ARHGEF28: variants seen among roughly 807,000 people sequenced by gnomAD.
ARHGEF28 encodes the protein 190 kDa guanine nucleotide exchange factor.
Under a neutral mutation model 206.6 loss-of-function variants are expected in ARHGEF28, and 152 were observed. That is an observed-to-expected ratio of 0.74 (90% CI 0.64 to 0.84). The LOEUF (loss-of-function observed/expected upper bound fraction) is 0.84, where lower values mean the gene tolerates loss of function less well. Ranked by LOEUF, ARHGEF28 falls within the 40% of genes least tolerant of loss-of-function variation. The probability of loss-of-function intolerance (pLI) is 0.00; values close to 1 mark genes in which losing one functional copy is unlikely to be tolerated. For missense variants in ARHGEF28, 2,028 were observed against 2,073.2 expected (o/e 0.98, Z 0.42); for synonymous variants, 763 against 776.4 (o/e 0.98, Z 0.29).
rs548630561 is a variant in ARHGEF28, at chr5:73,904,001, A to G, written c.4075-221A>G. The stretch of plus-strand genomic sequence containing the variant: ...GGTGATTGGGTGAAAATTGCCATCC[A>G]TCTCAAACATCGACTTTGCGTGAAG... On this transcript the variant is annotated intron_variant, in intron 31 of 35. Coordinates refer to ENST00000513042, the MANE Select transcript of ARHGEF28 (RefSeq NM_001177693.2). 5.5e-6 allele frequency: 3 copies of G among 549,554 alleles called. No homozygotes were observed. The South Asian group carries it at 7.9e-5, about 15-fold the overall frequency. 34.0% of individuals were successfully genotyped at this position (549,554 alleles called of 1,614,324 possible).
chr5:73,768,830 T>G (rs887882631), intron 4 of ARHGEF28, among the ~76,000 whole-genome samples: 3 of 152,060 alleles, frequency 2.0e-5, no homozygotes, highest in Admixed American at 1.3e-4. Flanking sequence ...AAATCTCATC[T>G]TGAATTATAA....
chr5:73,773,942 G>T lies in ARHGEF28; in HGVS notation c.563G>T (p.Gly188Val). 1 of 1,607,772 alleles carries T rather than the reference G, an allele frequency of 6.2e-7. No homozygotes were observed. The highest frequency in any genetic ancestry group is 2.2e-5 in the East Asian group (1 of 44,760). ...CAGTTCTTCTTGTGTCTCCCGGGGG[G>T]AGTCCAGGCCTTGGCTTTACCCAAC... ...LSQFFLCLPG[G>V]VQALALPNEE... The change falls in exon 5 of 36, where the codon GGA (glycine) becomes GTA (valine). Residue 188 changes from glycine (G) to valine (V), a missense_variant. By Grantham distance (109) the Gly-to-Val change is moderately radical. Transcript: ENST00000513042.
At chr5:73,704,073 A>G (rs887818632) in intron 2 of ARHGEF28, among the ~76,000 whole-genome samples, 3 of 151,912 alleles carry the variant, frequency 2.0e-5, no homozygotes, top group Admixed American at 6.6e-5. Context: ...GGATGGGAAT[A>G]TGGGGAGGGA....
chr5:73,880,284 C>T (rs535011437), intron 22 of ARHGEF28, among the ~76,000 whole-genome samples: 6 of 152,332 alleles, frequency 3.9e-5, no homozygotes, highest in South Asian at 4.1e-4. Context: ...GTCGGAAAAG[C>T]GCAGTATTCT....
At chr5:73,800,333 A>C (rs1174569182) in intron 9 of ARHGEF28, among the ~76,000 whole-genome samples, 8 of 152,192 alleles carry the variant, frequency 5.3e-5, no homozygotes, top group Non-Finnish European at 8.8e-5. Flanking sequence ...CATGTGGATT[A>C]CTTCTATAAG....
chr5:73,675,397 A>T (rs1194343975), intron 1 of ARHGEF28, among the ~76,000 whole-genome samples: 1 of 152,164 alleles, frequency 6.6e-6, no homozygotes, highest in Non-Finnish European at 1.5e-5. Context: ...GGTGGAAAAA[A>T]GACTTGCCTG....
chr5:73,907,450 A>G, intron 33 of ARHGEF28, among the ~76,000 whole-genome samples: 1 of 152,248 alleles, frequency 6.6e-6, no homozygotes, highest in East Asian at 1.9e-4. Context: ...GTCCAAGGCC[A>G]TGGGCTTTGA....
At chr5:73,801,466 A>T (rs1427792911) in intron 9 of ARHGEF28, among the ~76,000 whole-genome samples, 4 of 151,994 alleles carry the variant, frequency 2.6e-5, no homozygotes, top group Non-Finnish European at 2.9e-5. Context: ...AAAAAATAAA[A>T]AAATAAAAAA....
chr5:73,756,814 T>C (rs1160480390), intron 4 of ARHGEF28, among the ~76,000 whole-genome samples: 4 of 152,246 alleles, frequency 2.6e-5, no homozygotes, highest in African/African-American at 2.4e-5. Flanking sequence ...AGAAATTGTA[T>C]TAGATACTAG....
chr5:73,688,175 C>A (rs1747588530), intron 2 of ARHGEF28, among the ~76,000 whole-genome samples: 1 of 152,014 alleles, frequency 6.6e-6, no homozygotes, highest in Non-Finnish European at 1.5e-5. Flanking sequence ...TTACAACAGA[C>A]TTTTAAAAAT....
At chr5:73,844,837 C>T (rs1318349285) in intron 11 of ARHGEF28, among the ~76,000 whole-genome samples, 2 of 149,192 alleles carry the variant, frequency 1.3e-5, no homozygotes, top group African/African-American at 4.9e-5. Context: ...CCCAGGAAAG[C>T]TGTTGGCCTC....
chr5:73,704,769 G>A (rs1748834077), intron 2 of ARHGEF28, among the ~76,000 whole-genome samples: 1 of 152,128 alleles, frequency 6.6e-6, no homozygotes, highest in Non-Finnish European at 1.5e-5. Flanking sequence ...CATAAAATGT[G>A]TGCCCAGAAA....
At chr5:73,933,118 A>G (rs1028774021) in intron 35 of ARHGEF28, among the ~76,000 whole-genome samples, 1 of 149,434 alleles carries the variant, frequency 6.7e-6, no homozygotes, top group Non-Finnish European at 1.5e-5. Context: ...CCTATTTCCT[A>G]TTTCTTACAT....
Position 73,790,473 on chromosome 5 carries a change from A to G in ARHGEF28, c.911-3929A>G, listed in dbSNP as rs111921595. Among the ~76,000 whole-genome samples the G allele has an allele frequency of 1.9e-3, 295 of 152,284 alleles. 2 individuals are homozygous for G. The highest frequency in any genetic ancestry group is 6.4e-3 in the African/African-American group (268 of 41,558). ...GCACATTTTGGAGTTGCTTGAGGCC[A>G]AGGATTTCTTCCATCTTGGTTTCTT... On this transcript the variant is annotated intron_variant, in intron 7 of 35. Transcript: ENST00000513042.
intron 21 of ARHGEF28, among the ~76,000 whole-genome samples, chr5:73,870,910 A>G (rs1274716041): frequency 1.3e-5 from 2 of 152,200 alleles, no homozygotes; most frequent in African/African-American, 2.4e-5. Flanking sequence ...GGGTCTTTTC[A>G]CTAATCCTGT....
chr5:73,698,659 C>T (rs1467393519), intron 2 of ARHGEF28, among the ~76,000 whole-genome samples: 1 of 151,868 alleles, frequency 6.6e-6, no homozygotes, highest in Non-Finnish European at 1.5e-5. Flanking sequence ...ACTGGGGAGG[C>T]AATCGCATCA....
At chr5:73,731,532 T>C (rs1750623148) in intron 2 of ARHGEF28, among the ~76,000 whole-genome samples, 2 of 152,206 alleles carry the variant, frequency 1.3e-5, no homozygotes, top group Admixed American at 1.3e-4. Context: ...CATAATGTAC[T>C]TCCAGGGAAG....
At chr5:73,780,372 T>G in intron 6 of ARHGEF28, 1 of 313,104 alleles carries the variant, frequency 3.2e-6, no homozygotes. Context: ...GCGTCAAGAT[T>G]TTCGGTTCTC....
Position 73,859,343 on chromosome 5 carries a change from G to A in ARHGEF28, c.2047+1124G>A, listed in dbSNP as rs925584982. On this transcript the variant is annotated intron_variant, in intron 16 of 35. Coordinates refer to ENST00000513042, the MANE Select transcript of ARHGEF28 (RefSeq NM_001177693.2). ...ATGGTATTTGTTGATCGCCAGAATT[G>A]TGGGAATATTTGGAAGGTGGGATGG... 7.9e-5 allele frequency among the ~76,000 whole-genome samples: 12 copies of A among 152,202 alleles called. 1 individual carries two copies. The highest frequency in any genetic ancestry group is 7.8e-4 in the Admixed American group (12 of 15,288).
Sources: allele counts gnomAD v4.1 joint callset (sites outside exome capture counted in the v4.1 genomes callset), GRCh38; gene constraint gnomAD v4.1.1; transcripts MANE v1.5; gene names NCBI Gene and HGNC (gene_info 2026-07-23, HGNC 2026-07-21).